TRIM2: variants seen among roughly 807,000 people sequenced by gnomAD.
TRIM2 encodes the protein tripartite motif containing 2.
TRIM2 carries 20 observed loss-of-function variants against 75.2 expected under a neutral mutation model. That is an observed-to-expected ratio of 0.27 (90% CI 0.19 to 0.39). TRIM2 has a LOEUF of 0.39. Ranked by LOEUF, TRIM2 falls within the 10% of genes least tolerant of loss-of-function variation. The pLI, the probability that TRIM2 is intolerant of heterozygous loss-of-function variation, is 1.00. For synonymous variants in TRIM2, 373 were observed against 388.3 expected, an observed-to-expected ratio of 0.96 and a Z score of 0.46; for missense variants, 660 against 990.8, an observed-to-expected ratio of 0.67 and a Z score of 4.48.
intron 6 of TRIM2, among the ~76,000 whole-genome samples, chr4:153,311,371 A>G: frequency 6.6e-6 from 1 of 151,092 alleles, no homozygotes; most frequent in African/African-American, 2.5e-5. Flanking sequence ...TCCTTTTATA[A>G]GCTGCTACTG....
chr4:153,235,789 T>C (rs1744876981), intron 1 of TRIM2, among the ~76,000 whole-genome samples: 1 of 152,198 alleles, frequency 6.6e-6, no homozygotes, highest in Non-Finnish European at 1.5e-5. Context: ...TCAGATTACC[T>C]TTTCCACACT....
intron 1 of TRIM2, among the ~76,000 whole-genome samples, chr4:153,264,448 A>G (rs747714066): frequency 6.6e-6 from 1 of 152,212 alleles, no homozygotes; most frequent in Admixed American, 6.5e-5. Context: ...GCTCTCCAGC[A>G]TATAGAAGAG....
At chr4:153,192,905 C>G (rs1733355786) in intron 1 of TRIM2, among the ~76,000 whole-genome samples, 1 of 152,152 alleles carries the variant, frequency 6.6e-6, no homozygotes, top group South Asian at 2.1e-4. Flanking sequence ...CTGGTTCAGA[C>G]CAGCCCACCC....
At position 153,336,359 on chromosome 4, in the gene TRIM2, CAAA is replaced by C; in HGVS notation, c.*1401_*1403del. On this transcript the variant is annotated 3_prime_UTR_variant, in exon 12 of 12. Transcript: ENST00000338700. ...CCTTCTGTGCTTTCAAAAAAAAAAA[CAAA>C]AAAAAAACCACACACACACATAAAA... 1.2e-6 allele frequency: 1 copy of C among 839,178 alleles called. No homozygotes were observed. The highest frequency in any genetic ancestry group is 2.0e-5 in the African/African-American group (1 of 49,234). The allele number at this position is 839,178 out of a possible 1,614,324, so 52.0% of individuals were successfully genotyped here.
rs573810614 is a variant in TRIM2 at position 153,221,334 on chromosome 4, G to A, written c.30+16774G>A. ...TCCCAATTACTGGGGAGGCTGAGAT[G>A]TGAAGATCGCTTGAGCCCAGGAAGT... is the stretch of plus-strand genomic sequence containing the variant. On this transcript the variant is annotated intron_variant, in intron 1 of 11. Transcript: ENST00000338700. 5.9e-5 allele frequency among the ~76,000 whole-genome samples: 9 copies of A among 152,282 alleles called. No individual in the cohort carries two copies. In the South Asian group the frequency reaches 1.2e-3, roughly 21 times the overall value.
chr4:153,257,291 C>T (rs1752298603), intron 1 of TRIM2: 1 of 483,060 alleles, frequency 2.1e-6, no homozygotes, highest in African/African-American at 2.1e-5. Flanking sequence ...TGACTGCTGA[C>T]TCAGAGGGAA....
intron 1 of TRIM2, among the ~76,000 whole-genome samples, chr4:153,244,540 T>C (rs1748584740): frequency 2.0e-5 from 3 of 151,194 alleles, no homozygotes; most frequent in East Asian, 3.9e-4. Context: ...AGATTACTGG[T>C]GTGTACCACT....
chr4:153,302,989 C>T (rs955891681), intron 6 of TRIM2, among the ~76,000 whole-genome samples: 8 of 152,186 alleles, frequency 5.3e-5, no homozygotes, highest in Admixed American at 5.2e-4. Flanking sequence ...CCGTCATGCT[C>T]GTTTGGAGGC....
intron 6 of TRIM2, among the ~76,000 whole-genome samples, chr4:153,304,581 A>C (rs955195032): frequency 6.6e-6 from 1 of 152,120 alleles, no homozygotes; most frequent in Non-Finnish European, 1.5e-5. Context: ...TGGAGCATCA[A>C]ATGAAATGAG....
intron 1 of TRIM2, among the ~76,000 whole-genome samples, chr4:153,195,998 C>T (rs571957541): frequency 6.6e-5 from 10 of 152,102 alleles, no homozygotes; most frequent in African/African-American, 9.7e-5. Flanking sequence ...TTAGTAAAGA[C>T]GGGGGTTTGC....
In TRIM2 at chr4:153,228,367, T is replaced by G. The variant is rs143921938; in HGVS notation, c.30+23807T>G. ...CCATGTGTGGGTCTGATGGCTAAGA[T>G]GAGCTGTCCTGAATAGCTTTAAAAG... On this transcript the variant is annotated intron_variant, in intron 1 of 11. Coordinates refer to ENST00000338700, the MANE Select transcript of TRIM2 (RefSeq NM_015271.5). Among the ~76,000 whole-genome samples, 25 of 152,366 alleles carry G rather than the reference T, an allele frequency of 1.6e-4. No homozygotes were observed. In the East Asian group the frequency reaches 4.8e-3, roughly 29 times the overall value.
At chr4:153,207,276 A>G (rs150580356) in intron 1 of TRIM2, among the ~76,000 whole-genome samples, 1 of 152,200 alleles carries the variant, frequency 6.6e-6, no homozygotes, top group Non-Finnish European at 1.5e-5. Context: ...TGGTAGGCCT[A>G]TGCGGTGCGG....
chr4:153,261,021 T>C (rs926189489), intron 1 of TRIM2, among the ~76,000 whole-genome samples: 1 of 152,228 alleles, frequency 6.6e-6, no homozygotes, highest in African/African-American at 2.4e-5. Flanking sequence ...TAGCATACTG[T>C]GATTTATAGA....
At chr4:153,309,956 G>A (rs1262574464) in intron 6 of TRIM2, 9 of 152,004 alleles carry the variant, frequency 5.9e-5, no homozygotes, top group Admixed American at 4.6e-4. Context: ...AGTTGGAGTG[G>A]GTGGTGAGAG....
At chr4:153,313,627 CTTTTT>C (rs398051309) in intron 6 of TRIM2, among the ~76,000 whole-genome samples, 7 of 98,528 alleles carry the variant, frequency 7.1e-5, no homozygotes, top group African/African-American at 9.0e-5. Flanking sequence ...AGCAATGGCT[CTTTTT>C]TTTTTTTTTT....
intron 3 of TRIM2, among the ~76,000 whole-genome samples, chr4:153,290,574 G>T (rs1412175447): frequency 6.6e-6 from 1 of 152,176 alleles, no homozygotes; most frequent in Non-Finnish European, 1.5e-5. Context: ...CTTTCTGTGG[G>T]ATATTTGAAT....
chr4:153,213,308 G>A (rs1358088403), intron 1 of TRIM2, among the ~76,000 whole-genome samples: 1 of 152,122 alleles, frequency 6.6e-6, no homozygotes, highest in African/African-American at 2.4e-5. Flanking sequence ...TCTTTTGCAT[G>A]AATGTGCAAA....
chr4:153,205,224 T>A (rs1735066354), intron 1 of TRIM2, among the ~76,000 whole-genome samples: 2 of 152,166 alleles, frequency 1.3e-5, no homozygotes, highest in African/African-American at 4.8e-5. Flanking sequence ...GGGGACGCCA[T>A]GTGAGTCGGG....
At chr4:153,166,667 G>A (rs549873116) in intron 1 of TRIM2, among the ~76,000 whole-genome samples, 1 of 152,120 alleles carries the variant, frequency 6.6e-6, no homozygotes, top group South Asian at 2.1e-4. Context: ...TCCTGCATCT[G>A]CCTCCCTAGT....
Sources: allele counts gnomAD v4.1 joint callset (sites outside exome capture counted in the v4.1 genomes callset), GRCh38; gene constraint gnomAD v4.1.1; transcripts MANE v1.5; gene names NCBI Gene and HGNC (gene_info 2026-07-23, HGNC 2026-07-21).